Variants in GRIP1 observed in about 807,000 individuals in gnomAD.
GRIP1 encodes glutamate receptor interacting protein 1.
A neutral mutation model predicts 129.9 loss-of-function variants in GRIP1; 45 were observed. The observed-to-expected ratio is 0.35, with a 90% CI of 0.27 to 0.44. GRIP1 has a LOEUF of 0.44. Among genes scored for constraint, GRIP1 ranks in the 20% least tolerant of loss-of-function variants. GRIP1 has a pLI of 1.00. For missense variants in GRIP1, 1,196 were observed against 1,396.8 expected, an observed-to-expected ratio of 0.86 and a Z score of 2.29; for synonymous variants, 530 against 520.8, an observed-to-expected ratio of 1.02 and a Z score of -0.24.
chr12:66,483,960 C>A (rs1201556687), intron 7 of GRIP1, among the ~76,000 whole-genome samples: 3 of 151,272 alleles, frequency 2.0e-5, no homozygotes, highest in Non-Finnish European at 4.4e-5. Flanking sequence ...CCCGGGTTCA[C>A]GCCATTCTCC....
intron 1 of GRIP1, among the ~76,000 whole-genome samples, chr12:66,647,143 C>T (rs929181657): frequency 4.6e-5 from 7 of 152,224 alleles, no homozygotes; most frequent in Non-Finnish European, 7.4e-5. Context: ...GCAGTAACTG[C>T]CCAGATGACC....
At chr12:66,484,577 AGAAAG>A (rs2059901706) in intron 7 of GRIP1, among the ~76,000 whole-genome samples, 1 of 152,248 alleles carries the variant, frequency 6.6e-6, no homozygotes, top group South Asian at 2.1e-4. Context: ...TGCCACGCAC[AGAAAG>A]ACAAATACTG....
chr12:66,581,634 C>G (rs896539472), intron 2 of GRIP1, among the ~76,000 whole-genome samples: 20 of 151,644 alleles, frequency 1.3e-4, no homozygotes, highest in African/African-American at 4.4e-4. Context: ...CACCTCTACG[C>G]AAATAAACTA....
intron 2 of GRIP1, among the ~76,000 whole-genome samples, chr12:66,562,092 C>A (rs957527719): frequency 6.6e-6 from 1 of 152,120 alleles, no homozygotes; most frequent in African/African-American, 2.4e-5. Flanking sequence ...TGGGTCAGAG[C>A]AAGATCCTGT....
chr12:66,645,244 G>A (rs1407957312), intron 1 of GRIP1, among the ~76,000 whole-genome samples: 3 of 152,156 alleles, frequency 2.0e-5, no homozygotes, highest in Non-Finnish European at 4.4e-5. Context: ...TCTTATTGAT[G>A]AGGAAACTAA....
At chr12:66,483,562 C>G (rs1199000638) in intron 7 of GRIP1, among the ~76,000 whole-genome samples, 4 of 152,214 alleles carry the variant, frequency 2.6e-5, no homozygotes, top group Non-Finnish European at 4.4e-5. Context: ...GACTCCCACT[C>G]TCTGCAGCAG....
intron 2 of GRIP1, among the ~76,000 whole-genome samples, chr12:66,558,582 T>C (rs2062413178): frequency 6.6e-6 from 1 of 152,076 alleles, no homozygotes; most frequent in African/African-American, 2.4e-5. Context: ...CTAGAAGAAA[T>C]GTATAAATTC....
intron 2 of GRIP1, among the ~76,000 whole-genome samples, chr12:66,560,798 C>T (rs148434602): frequency 2.2e-3 from 339 of 152,172 alleles, no homozygotes; most frequent in Non-Finnish European, 3.9e-3. Flanking sequence ...CCATATGATC[C>T]AGCAATCCCT....
chr12:66,432,299 T>A (rs1050564981), intron 14 of GRIP1, among the ~76,000 whole-genome samples: 2 of 152,098 alleles, frequency 1.3e-5, no homozygotes, highest in Non-Finnish European at 1.5e-5. Flanking sequence ...ATTAAAACAA[T>A]CCTATATTTT....
rs138728043 is a variant in GRIP1 at position 67,001,949 on chromosome 12, CAGA to C, written c.58+67098_58+67100del. On this transcript the variant is annotated intron_variant, in intron 1 of 1. Coordinates refer to the GRIP1 transcript ENST00000643019. Reference sequence around the variant, plus strand: ...CCAGTCATTTATACATTGTTCCACCCAGAAGAAGAAGAGTATGTTCACCCAGAT... The same window carrying C: ...CCAGTCATTTATACATTGTTCCACCCAGAAGAAGAGTATGTTCACCCAGAT... 6.2e-3 allele frequency among the ~76,000 whole-genome samples: 941 copies of C among 151,954 alleles called. 10 individuals are homozygous for C. The highest frequency in any genetic ancestry group is 0.021 in the African/African-American group (875 of 41,440).
intron 17 of GRIP1, 112 bp from the exon 18 acceptor site, chr12:66,392,928 TC>T: frequency 1.9e-6 from 2 of 1,030,568 alleles, no homozygotes; most frequent in Non-Finnish European, 3.1e-6. Context: ...GGTAAGGATC[TC>T]CAGAAGTCCC....
chr12:66,801,115 T>C (rs2038845085), intron 1 of GRIP1, among the ~76,000 whole-genome samples: 1 of 152,076 alleles, frequency 6.6e-6, no homozygotes, highest in South Asian at 2.1e-4. Context: ...CAAGCAAAGT[T>C]CAAAATATAT....
At chr12:66,936,411 G>T (rs188896104) in intron 1 of GRIP1, among the ~76,000 whole-genome samples, 7 of 132,250 alleles carry the variant, frequency 5.3e-5, no homozygotes, top group Non-Finnish European at 9.2e-5. Flanking sequence ...GTGTAACAGA[G>T]CAAGACCCTG....
intron 7 of GRIP1, among the ~76,000 whole-genome samples, chr12:66,485,965 CTGTT>C (rs2059943325): frequency 6.6e-6 from 1 of 151,856 alleles, no homozygotes; most frequent in South Asian, 2.1e-4. Flanking sequence ...ACACTCTGTT[CTGTT>C]TGTCTTTTCT....
At chr12:66,770,642 T>A (rs375962209) in intron 1 of GRIP1, among the ~76,000 whole-genome samples, 3 of 152,092 alleles carry the variant, frequency 2.0e-5, no homozygotes, top group East Asian at 1.9e-4. Flanking sequence ...ACATGGGCAA[T>A]GAAGCTTGAA....
chr12:66,773,868 T>C (rs1484278201), intron 1 of GRIP1, among the ~76,000 whole-genome samples: 1 of 152,120 alleles, frequency 6.6e-6, no homozygotes, highest in Admixed American at 6.6e-5. Flanking sequence ...TGCAAAAATA[T>C]ACTATGAGGC....
At chr12:66,526,647 A>T (rs536181729) in intron 5 of GRIP1, among the ~76,000 whole-genome samples, 3,468 of 151,954 alleles carry the variant, frequency 0.023, 123 homozygotes, top group African/African-American at 0.08. Context: ...AAACACCAAA[A>T]GCAATGGCAA....
Position 66,847,396 on chromosome 12 carries a change from TG to T in GRIP1, c.58+221653del, listed in dbSNP as rs557008255. 2.5e-3 allele frequency among the ~76,000 whole-genome samples: 374 copies of T among 152,332 alleles called. 3 individuals are homozygous for T. The highest frequency in any genetic ancestry group is 8.4e-3 in the African/African-American group (350 of 41,582). On this transcript the variant is annotated intron_variant, in intron 1 of 1. Transcript: ENST00000643019. ...GTCTTGTCTATATATGTATATAATTTGTTATTTACTTCACAAAAAGGTACTT... is the reference window on the plus strand; with the variant it reads ...GTCTTGTCTATATATGTATATAATTTTTATTTACTTCACAAAAAGGTACTT...
At chr12:66,979,048 C>A (rs2042196666) in intron 1 of GRIP1, among the ~76,000 whole-genome samples, 1 of 151,860 alleles carries the variant, frequency 6.6e-6, no homozygotes, top group East Asian at 1.9e-4. Flanking sequence ...CTGGGTTCCT[C>A]CCCCAGGATA....
Sources: allele counts gnomAD v4.1 joint callset (sites outside exome capture counted in the v4.1 genomes callset), GRCh38; gene constraint gnomAD v4.1.1; transcripts MANE v1.5; gene names NCBI Gene and HGNC (gene_info 2026-07-23, HGNC 2026-07-21).